Variants in PHF21B observed in about 807,000 individuals in gnomAD.
The protein encoded by PHF21B is PHD finger protein 21B, also known as PHD finger protein 4.
A neutral mutation model predicts 62.2 loss-of-function variants in PHF21B; 22 were observed. The observed-to-expected ratio is 0.35, with a 90% CI of 0.25 to 0.51. The LOEUF (loss-of-function observed/expected upper bound fraction) is 0.51. Among genes scored for constraint, PHF21B ranks in the 20% least tolerant of loss-of-function variants. The pLI, the probability that PHF21B is intolerant of heterozygous loss-of-function variation, is 0.97. For missense variants in PHF21B, 701 were observed against 707.9 expected (o/e 0.99, Z 0.11); for synonymous variants, 341 against 314.7 (o/e 1.08, Z -0.88).
At chr22:44,953,061 A>G (rs890340069) in intron 2 of PHF21B, among the ~76,000 whole-genome samples, 1 of 152,150 alleles carries the variant, frequency 6.6e-6, no homozygotes, top group Non-Finnish European at 1.5e-5. Flanking sequence ...TCAGGATCCC[A>G]ACTGCTACGA....
intron 2 of PHF21B, among the ~76,000 whole-genome samples, chr22:44,931,199 C>T (rs1339832496): frequency 6.6e-6 from 1 of 152,236 alleles, no homozygotes; most frequent in Non-Finnish European, 1.5e-5. Flanking sequence ...GAATTACAGG[C>T]ATGAGCCACC....
At chr22:44,976,775 T>C (rs1289938865) in intron 2 of PHF21B, among the ~76,000 whole-genome samples, 2 of 152,132 alleles carry the variant, frequency 1.3e-5, no homozygotes, top group Non-Finnish European at 2.9e-5. Context: ...TGAAGAGAGA[T>C]TAAAGGTTCT....
At chr22:44,938,234 C>T (rs1259078845) in intron 2 of PHF21B, among the ~76,000 whole-genome samples, 1 of 150,862 alleles carries the variant, frequency 6.6e-6, no homozygotes, top group Non-Finnish European at 1.5e-5. Flanking sequence ...GCCACCATGC[C>T]TGGTTTTTTG....
chr22:44,979,725 G>C (rs936896591), intron 2 of PHF21B, among the ~76,000 whole-genome samples: 1 of 152,178 alleles, frequency 6.6e-6, no homozygotes, highest in African/African-American at 2.4e-5. Flanking sequence ...TGGTGTTTGG[G>C]CTTTCAAAAT....
At chr22:44,915,338 T>C (rs1039303916) in intron 4 of PHF21B, among the ~76,000 whole-genome samples, 2 of 152,226 alleles carry the variant, frequency 1.3e-5, no homozygotes, top group Non-Finnish European at 2.9e-5. Context: ...CTTTCAACAA[T>C]GAGGCATCTA....
At chr22:45,006,891 T>C (rs1033423917) in intron 2 of PHF21B, among the ~76,000 whole-genome samples, 13 of 151,934 alleles carry the variant, frequency 8.6e-5, no homozygotes, top group Admixed American at 5.9e-4. Flanking sequence ...CTGATTTGAT[T>C]CTACGCAGTG....
chr22:45,008,584 G>C lies in PHF21B; in HGVS notation c.81C>G (p.His27Gln), dbSNP rs1307151564. The change falls in exon 2 of 13, where the codon CAC (histidine) becomes CAG (glutamine). Residue 27 changes from histidine (H) to glutamine (Q), a missense_variant. Physicochemically the swap from His to Gln is conservative, Grantham distance 24 (BLOSUM62 0). Coordinates refer to ENST00000313237, the MANE Select transcript of PHF21B (RefSeq NM_138415.5). ...HQNGDLKKQL[H>Q]ERQPRIAALS... ...GCGCGGCGATCCGCGGCTGCCTTTC[G>C]TGGAGCTGCTTCTTGAGGTCGCCGT... The C allele has an allele frequency of 2.5e-6, 4 of 1,590,530 alleles. No homozygotes were observed. The African/African-American group carries it at 4.0e-5, about 16-fold the overall frequency.
In PHF21B at chr22:44,968,454, G is replaced by C. The variant is rs569703204; in HGVS notation, c.120+40091C>G. On this transcript the variant is annotated intron_variant, in intron 2 of 12. Transcript: ENST00000313237. ...AGGTCAGGAGTTCGAGACCAGCCTGGCCAACATGGCAAAACCCTGTCTCTA... is the reference window on the plus strand; with the variant it reads ...AGGTCAGGAGTTCGAGACCAGCCTGCCCAACATGGCAAAACCCTGTCTCTA... Among the ~76,000 whole-genome samples, 4 of 152,186 alleles carry C rather than the reference G, an allele frequency of 2.6e-5. No homozygotes were observed. In the South Asian group the frequency reaches 8.3e-4, roughly 32 times the overall value.
chr22:44,975,471 G>C (rs965652861), intron 2 of PHF21B, among the ~76,000 whole-genome samples: 3 of 152,228 alleles, frequency 2.0e-5, no homozygotes, highest in African/African-American at 4.8e-5. Context: ...CATCGGTACT[G>C]CACATGGAGT....
chr22:44,949,318 A>AAAG (rs2072146610), intron 2 of PHF21B, among the ~76,000 whole-genome samples: 1 of 144,792 alleles, frequency 6.9e-6, no homozygotes, highest in African/African-American at 2.7e-5. Flanking sequence ...AAGAAAAAAA[A>AAAG]AAAAAAAGAA....
chr22:44,983,036 G>T (rs1364407806), intron 2 of PHF21B, among the ~76,000 whole-genome samples: 2 of 152,136 alleles, frequency 1.3e-5, no homozygotes, highest in African/African-American at 4.8e-5. Context: ...TTCAGGTTAG[G>T]AGTTTGAGAC....
intron 2 of PHF21B, among the ~76,000 whole-genome samples, chr22:44,988,057 G>T (rs183805343): frequency 2.0e-5 from 3 of 152,272 alleles, no homozygotes; most frequent in Admixed American, 2.0e-4. Context: ...TTTGGTCAGC[G>T]TTTGTCAAAC....
At chr22:44,906,172 CCT>C (rs770738374) in intron 5 of PHF21B, among the ~76,000 whole-genome samples, 49 of 152,140 alleles carry the variant, frequency 3.2e-4, no homozygotes, top group Non-Finnish European at 5.4e-4. Flanking sequence ...CCATCATTAT[CCT>C]CTCTCTCTCC....
chr22:44,969,466 G>C, intron 2 of PHF21B, among the ~76,000 whole-genome samples: 1 of 152,146 alleles, frequency 6.6e-6, no homozygotes, highest in East Asian at 1.9e-4. Flanking sequence ...AGGAGCCCAA[G>C]ACCAGCCTGG....
In PHF21B at chr22:44,902,687, T is replaced by C. The variant is rs552162047; in HGVS notation, c.832-6604A>G. On this transcript the variant is annotated intron_variant, in intron 5 of 12. Transcript: ENST00000313237. ...TCCATAAATCTGTGTATTTTAGCCA[T>C]GTAGTTTCCTTCTTAGTGCTGATTG... Among the ~76,000 whole-genome samples the C allele has an allele frequency of 2.0e-5, 3 of 152,352 alleles. No homozygotes were observed. In the East Asian group the frequency reaches 5.8e-4, roughly 29 times the overall value.
intron 5 of PHF21B, among the ~76,000 whole-genome samples, chr22:44,906,947 G>A (rs890600033): frequency 2.6e-5 from 4 of 152,132 alleles, no homozygotes; most frequent in African/African-American, 7.2e-5. Flanking sequence ...GGCGATCAGC[G>A]TGGGGTGATG....
chr22:44,995,890 C>A (rs189667332), intron 2 of PHF21B, among the ~76,000 whole-genome samples: 1 of 151,342 alleles, frequency 6.6e-6, no homozygotes, highest in Non-Finnish European at 1.5e-5. Context: ...GGGCCCCAGA[C>A]GATGCAGAGG....
chr22:44,997,446 A>C (rs936393251), intron 2 of PHF21B, among the ~76,000 whole-genome samples: 19 of 152,144 alleles, frequency 1.2e-4, no homozygotes, highest in Admixed American at 6.5e-5. Context: ...CAATGTGGAC[A>C]AACAGAGTTT....
At position 44,912,226 on chromosome 22, in the gene PHF21B, T is replaced by A. The variant is rs568712194; in HGVS notation, c.831+1596A>T. Among the ~76,000 whole-genome samples the A allele has an allele frequency of 3.0e-3, 459 of 152,352 alleles. 3 individuals carry two copies. The highest frequency in any genetic ancestry group is 0.011 in the African/African-American group (450 of 41,574). On this transcript the variant is annotated intron_variant, in intron 5 of 12. Transcript: ENST00000313237. ...TGGAAGGGACTTGCCTTGTCTCGGA[T>A]GAGACTTTGGACTGTGGACTTTTGA...
Sources: allele counts gnomAD v4.1 joint callset (sites outside exome capture counted in the v4.1 genomes callset), GRCh38; gene constraint gnomAD v4.1.1; transcripts MANE v1.5; gene names NCBI Gene and HGNC (gene_info 2026-07-23, HGNC 2026-07-21).